The following CNNM2 variants were observed in gnomAD, a reference collection of about 807,000 sequenced individuals.
The protein encoded by CNNM2 is cyclin and CBS domain divalent metal cation transport mediator 2, also known as metal transporter CNNM2.
A neutral mutation model predicts 66.9 loss-of-function variants in CNNM2; 12 were observed. That is an observed-to-expected ratio of 0.18 (90% CI 0.11 to 0.29). The LOEUF (loss-of-function observed/expected upper bound fraction) is 0.29, where lower values mean the gene tolerates loss of function less well. CNNM2 is among the 10% of genes least tolerant of loss of function. The pLI, the probability that CNNM2 is intolerant of heterozygous loss-of-function variation, is 1.00. For missense variants in CNNM2, 705 were observed against 1,167.7 expected, an observed-to-expected ratio of 0.60 and a Z score of 5.77; for synonymous variants, 557 against 501.8, an observed-to-expected ratio of 1.11 and a Z score of -1.47.
chr10:103,076,152 G>GGTT lies in CNNM2; in HGVS notation c.2301_2302insTTG (p.Arg767_Ile768insLeu), dbSNP rs2065686617. On this transcript the variant is annotated inframe_insertion, in exon 7 of 8. Transcript: ENST00000369878. ...TCAGACTCTCTCAGTCGAAGCGACC[G>GGTT]GATTGACGCCGTCACACCAACACTG... 1 of 1,609,126 alleles carries GGTT rather than the reference G, an allele frequency of 6.2e-7. No individual in the cohort carries two copies. The highest frequency in any genetic ancestry group is 8.5e-7 in the Non-Finnish European group (1 of 1,177,900).
chr10:103,027,079 A>G (rs759598259), intron 1 of CNNM2, among the ~76,000 whole-genome samples: 3 of 152,358 alleles, frequency 2.0e-5, no homozygotes, highest in Non-Finnish European at 4.4e-5. Context: ...GCCATTGCAC[A>G]TAATTTATTA....
intron 1 of CNNM2, among the ~76,000 whole-genome samples, chr10:102,994,233 G>A (rs987709191): frequency 3.3e-5 from 5 of 152,158 alleles, no homozygotes; most frequent in African/African-American, 1.2e-4. Context: ...TACCGCACCC[G>A]GCTCAAAATC....
intron 1 of CNNM2, among the ~76,000 whole-genome samples, chr10:102,944,207 T>A (rs528899549): frequency 6.6e-6 from 1 of 151,102 alleles, no homozygotes; most frequent in East Asian, 1.9e-4. Flanking sequence ...GCCCCCCGAG[T>A]AGCTAGGATT....
At chr10:102,957,399 A>G (rs1847085004) in intron 1 of CNNM2, among the ~76,000 whole-genome samples, 4 of 152,240 alleles carry the variant, frequency 2.6e-5, no homozygotes, top group Admixed American at 2.6e-4. Flanking sequence ...ATGGGAAAGC[A>G]AAGGTGAAGA....
At position 103,049,240 on chromosome 10, in the gene CNNM2, G is replaced by A. The variant is rs12241091; in HGVS notation, c.1622-467G>A. ...ACTAAGTGCAGCTTGCTCCCACTAC[G>A]TTCATCTGTGCTAAGGTGCCTTTTC... On this transcript the variant is annotated intron_variant, in intron 1 of 7. Transcript: ENST00000369878. Among the ~76,000 whole-genome samples, 15,916 of 152,248 alleles carry A rather than the reference G, an allele frequency of 0.1. 852 individuals carry two copies. Among genetic ancestry groups the A allele is most frequent in the Middle Eastern group, 0.18 (52 of 294 alleles).
At chr10:102,984,252 C>T (rs1357505836) in intron 1 of CNNM2, among the ~76,000 whole-genome samples, 1 of 151,982 alleles carries the variant, frequency 6.6e-6, no homozygotes, top group Non-Finnish European at 1.5e-5. Context: ...TTTATTGTCC[C>T]CTGATGGATG....
intron 1 of CNNM2, among the ~76,000 whole-genome samples, chr10:103,001,600 T>C (rs959561901): frequency 1.3e-5 from 2 of 152,166 alleles, no homozygotes; most frequent in South Asian, 4.1e-4. Flanking sequence ...CAAAACAGTG[T>C]GCTGAGACAA....
chr10:103,066,320 C>T (rs761263073), intron 4 of CNNM2, among the ~76,000 whole-genome samples: 2 of 152,176 alleles, frequency 1.3e-5, no homozygotes, highest in African/African-American at 4.8e-5. Flanking sequence ...TTCTCCCACT[C>T]GTGGTGTCCC....
rs7894588 is a variant in CNNM2 at position 102,996,273 on chromosome 10, A to T, written c.1622-53434A>T. On this transcript the variant is annotated intron_variant, in intron 1 of 7. Coordinates refer to ENST00000369878, the MANE Select transcript of CNNM2 (RefSeq NM_017649.5). ...TGTTTTTCTGCTTTCAGTAGTTACA[A>T]CAGCAGTGCCTCTACCTTTTTATTT... Among the ~76,000 whole-genome samples the T allele has an allele frequency of 0.31, 46,840 of 151,744 alleles. 7,385 individuals carry two copies. The highest frequency in any genetic ancestry group is 0.37 in the Middle Eastern group (109 of 294).
chr10:103,010,028 AAAT>A (rs1401483107), intron 1 of CNNM2, among the ~76,000 whole-genome samples: 1 of 152,166 alleles, frequency 6.6e-6, no homozygotes. Context: ...ATATCATGTC[AAAT>A]AATGGTAGAA....
intron 6 of CNNM2, 48 bp downstream of exon 6, chr10:103,071,887 GCC>G: frequency 6.4e-7 from 1 of 1,556,170 alleles, no homozygotes; most frequent in Non-Finnish European, 8.9e-7. Flanking sequence ...TGCCTTCCTT[GCC>G]CCCCATCACG....
At chr10:103,055,262 C>T (rs968313464) in intron 3 of CNNM2, among the ~76,000 whole-genome samples, 10 of 152,152 alleles carry the variant, frequency 6.6e-5, no homozygotes, top group Admixed American at 3.9e-4. Flanking sequence ...CATCGGTGTC[C>T]CTGATAGGCA....
chr10:102,947,478 C>T (rs1846658405), intron 1 of CNNM2, among the ~76,000 whole-genome samples: 1 of 152,176 alleles, frequency 6.6e-6, no homozygotes, highest in Non-Finnish European at 1.5e-5. Flanking sequence ...GACTGCTGAG[C>T]ACAGTGGCTC....
chr10:102,921,981 C>G (rs1845656469), intron 1 of CNNM2, among the ~76,000 whole-genome samples: 1 of 152,078 alleles, frequency 6.6e-6, no homozygotes, highest in Non-Finnish European at 1.5e-5. Flanking sequence ...AACAATTTTT[C>G]TATGATGGAT....
At chr10:102,973,187 C>T (rs2063572285) in intron 1 of CNNM2, among the ~76,000 whole-genome samples, 1 of 150,516 alleles carries the variant, frequency 6.6e-6, no homozygotes, top group South Asian at 2.1e-4. Flanking sequence ...CTCTTCTCTT[C>T]TAGTGTTTCT....
At chr10:103,019,608 C>T (rs371912686) in intron 1 of CNNM2, among the ~76,000 whole-genome samples, 2 of 152,070 alleles carry the variant, frequency 1.3e-5, no homozygotes, top group Non-Finnish European at 2.9e-5. Context: ...ATGATGGAGG[C>T]GTCTCACCAT....
intron 1 of CNNM2, among the ~76,000 whole-genome samples, chr10:103,006,264 T>C (rs201410790): frequency 6.6e-6 from 1 of 151,892 alleles, no homozygotes; most frequent in Non-Finnish European, 1.5e-5. Flanking sequence ...TGGAGCACAG[T>C]GTCTGGATCT....
Position 102,975,484 on chromosome 10 carries a change from A to AC in CNNM2, c.1621+55383_1621+55384insC, listed in dbSNP as rs1288625346. ...GATGGAATTAGAAAAAAAAAAAAAA[A>AC]AAAACAAACCTCCACAGAGTTAAAC... On this transcript the variant is annotated intron_variant, in intron 1 of 7. Coordinates refer to ENST00000369878, the MANE Select transcript of CNNM2 (RefSeq NM_017649.5). 8.6e-5 allele frequency among the ~76,000 whole-genome samples: 13 copies of AC among 151,536 alleles called. No homozygotes were observed. In the South Asian group the frequency reaches 2.1e-3, roughly 24 times the overall value.
At chr10:102,955,279 G>A (rs1846992576) in intron 1 of CNNM2, among the ~76,000 whole-genome samples, 1 of 152,106 alleles carries the variant, frequency 6.6e-6, no homozygotes, top group South Asian at 2.1e-4. Flanking sequence ...AAATGGGGAA[G>A]GGATTCCCTA....
Sources: gnomAD v4.1 joint callset for allele counts (sites outside exome capture counted in the v4.1 genomes callset) on GRCh38, gnomAD v4.1.1 for gene constraint, MANE v1.5 for transcripts, NCBI Gene and HGNC (gene_info 2026-07-23, HGNC 2026-07-21) for gene names.